The following ZNF704 variants were observed in gnomAD, a reference collection of about 807,000 sequenced individuals.
ZNF704 encodes the protein glucocorticoid induced gene 1.
Under a neutral mutation model 44.7 loss-of-function variants are expected in ZNF704, and 10 were observed. The observed-to-expected ratio is 0.22, with a 90% CI of 0.14 to 0.38. The LOEUF (loss-of-function observed/expected upper bound fraction) is 0.38, where lower values mean the gene tolerates loss of function less well. Among genes scored for constraint, ZNF704 ranks in the 10% least tolerant of loss-of-function variants. The pLI is 1.00. For synonymous variants in ZNF704, 211 were observed against 207.6 expected, an observed-to-expected ratio of 1.02 and a Z score of -0.14; for missense variants, 390 against 545.5, an observed-to-expected ratio of 0.71 and a Z score of 2.84.
chr8:80,644,114 C>T (rs1257279615), intron 7 of ZNF704, among the ~76,000 whole-genome samples: 1 of 152,190 alleles, frequency 6.6e-6, no homozygotes, highest in Admixed American at 6.5e-5. Flanking sequence ...CTTTAGTCTT[C>T]ACAACGACCC....
chr8:80,819,870 A>G (rs1211694625), intron 2 of ZNF704, among the ~76,000 whole-genome samples: 6 of 152,342 alleles, frequency 3.9e-5, no homozygotes, highest in African/African-American at 1.4e-4. Flanking sequence ...GGGAGAAAAT[A>G]ATAATTTTCT....
In ZNF704 at chr8:80,632,482, C is replaced by T. The variant is rs1817602972; in HGVS notation, c.*8884G>A. The T allele has an allele frequency of 6.6e-6, 1 of 152,180 alleles. No individual in the cohort carries two copies. The highest frequency in any genetic ancestry group is 1.5e-5 in the Non-Finnish European group (1 of 68,038). 9.4% of individuals were successfully genotyped at this position (152,180 alleles called of 1,614,324 possible). On this transcript the variant is annotated 3_prime_UTR_variant, in exon 9 of 9. Coordinates refer to ENST00000327835, the MANE Select transcript of ZNF704 (RefSeq NM_001033723.3). Reference sequence around the variant, plus strand: ...CTGGGATTATAGGCGTGAACCACTGCATCTGGCCAATTCTGGTTAATTTTC... The same window carrying T: ...CTGGGATTATAGGCGTGAACCACTGTATCTGGCCAATTCTGGTTAATTTTC...
intron 2 of ZNF704, among the ~76,000 whole-genome samples, chr8:80,766,823 C>T (rs962373562): frequency 1.3e-5 from 2 of 152,084 alleles, no homozygotes; most frequent in South Asian, 2.1e-4. Flanking sequence ...AGCAATTCTC[C>T]TGCCTCAGCC....
intron 1 of ZNF704, among the ~76,000 whole-genome samples, chr8:80,822,579 G>T (rs189280252): frequency 2.0e-5 from 3 of 152,266 alleles, no homozygotes; most frequent in African/African-American, 7.2e-5. Flanking sequence ...GGATGGCTGG[G>T]TCATATGGTA....
intron 1 of ZNF704, among the ~76,000 whole-genome samples, chr8:80,869,221 T>C (rs1478000021): frequency 2.0e-5 from 3 of 152,222 alleles, no homozygotes; most frequent in African/African-American, 7.2e-5. Flanking sequence ...TATTACTCTA[T>C]GCATGAGGCC....
chr8:80,830,582 A>T (rs1003797205), intron 1 of ZNF704, among the ~76,000 whole-genome samples: 5 of 151,956 alleles, frequency 3.3e-5, no homozygotes, highest in Non-Finnish European at 7.4e-5. Flanking sequence ...ACTTAAAATT[A>T]TTGAATTGTA....
At chr8:80,655,483 C>A (rs780513181) in intron 7 of ZNF704, among the ~76,000 whole-genome samples, 3 of 152,100 alleles carry the variant, frequency 2.0e-5, no homozygotes, top group Non-Finnish European at 2.9e-5. Flanking sequence ...AGGGAGGAGC[C>A]GCTTTCTCTG....
At chr8:80,722,076 T>C (rs1002630126) in intron 2 of ZNF704, among the ~76,000 whole-genome samples, 5 of 151,874 alleles carry the variant, frequency 3.3e-5, no homozygotes, top group African/African-American at 9.7e-5. Context: ...GTCTCTACAA[T>C]AAATACAAAA....
At chr8:80,712,047 T>A (rs1170632281) in intron 2 of ZNF704, among the ~76,000 whole-genome samples, 1 of 152,216 alleles carries the variant, frequency 6.6e-6, no homozygotes, top group Non-Finnish European at 1.5e-5. Context: ...GGAAACTTAA[T>A]CCCCAATGCA....
chr8:80,869,704 C>T (rs1809217674), intron 1 of ZNF704, among the ~76,000 whole-genome samples: 1 of 152,232 alleles, frequency 6.6e-6, no homozygotes, highest in African/African-American at 2.4e-5. Context: ...AAAATTCCCT[C>T]TCCTTAGGTT....
chr8:80,652,972 G>A (rs1229244093), intron 7 of ZNF704, among the ~76,000 whole-genome samples: 3 of 152,170 alleles, frequency 2.0e-5, no homozygotes, highest in African/African-American at 7.2e-5. Flanking sequence ...TATCCACCAT[G>A]ATCAAGTGGG....
At chr8:80,849,949 T>C (rs1313936847) in intron 1 of ZNF704, among the ~76,000 whole-genome samples, 1 of 152,246 alleles carries the variant, frequency 6.6e-6, no homozygotes, top group Non-Finnish European at 1.5e-5. Flanking sequence ...CTGCACTATG[T>C]GCATAACACT....
At chr8:80,648,503 A>G (rs923147714) in intron 7 of ZNF704, among the ~76,000 whole-genome samples, 2 of 152,242 alleles carry the variant, frequency 1.3e-5, no homozygotes, top group African/African-American at 4.8e-5. Flanking sequence ...ACTACCATTT[A>G]TTCAGTGCTT....
intron 7 of ZNF704, among the ~76,000 whole-genome samples, chr8:80,656,172 T>C (rs1435397202): frequency 6.6e-6 from 1 of 152,084 alleles, no homozygotes; most frequent in African/African-American, 2.4e-5. Flanking sequence ...GTGCTTGTGC[T>C]CTCTCTCTCG....
chr8:80,724,309 T>C (rs1806434444), intron 2 of ZNF704, among the ~76,000 whole-genome samples: 1 of 152,248 alleles, frequency 6.6e-6, no homozygotes, highest in South Asian at 2.1e-4. Context: ...AACCCATGAC[T>C]CTTCCTATCT....
At chr8:80,819,748 C>A (rs2129874277) in intron 2 of ZNF704, among the ~76,000 whole-genome samples, 1 of 151,982 alleles carries the variant, frequency 6.6e-6, no homozygotes, top group Non-Finnish European at 1.5e-5. Context: ...ATTAGAAAAG[C>A]AAATAATTCC....
At chr8:80,844,233 C>G (rs905652199) in intron 1 of ZNF704, among the ~76,000 whole-genome samples, 1 of 152,098 alleles carries the variant, frequency 6.6e-6, no homozygotes, top group Non-Finnish European at 1.5e-5. Context: ...GAATATCAGA[C>G]TGGGTGGCTT....
At chr8:80,709,755 A>C (rs1818956148) in intron 2 of ZNF704, among the ~76,000 whole-genome samples, 1 of 152,124 alleles carries the variant, frequency 6.6e-6, no homozygotes, top group South Asian at 2.1e-4. Flanking sequence ...CAGGTAGGAT[A>C]GCCTGCTCTA....
At chr8:80,666,299 AT>A (rs1312183565) in intron 5 of ZNF704, among the ~76,000 whole-genome samples, 1 of 150,858 alleles carries the variant, frequency 6.6e-6, no homozygotes, top group African/African-American at 2.4e-5. Flanking sequence ...TGAACTCATC[AT>A]TTTTTATGGC....
Sources: allele counts gnomAD v4.1 joint callset (sites outside exome capture counted in the v4.1 genomes callset), GRCh38; gene constraint gnomAD v4.1.1; transcripts MANE v1.5; gene names NCBI Gene and HGNC (gene_info 2026-07-23, HGNC 2026-07-21).